RAD51B: variants seen among roughly 807,000 people sequenced by gnomAD.
The protein encoded by RAD51B is DNA repair protein RAD51 homolog 2.
In RAD51B, 38 loss-of-function variants were observed where a neutral mutation model predicts 42.2. That is an observed-to-expected ratio of 0.90 (90% CI 0.70 to 1.18). The LOEUF (loss-of-function observed/expected upper bound fraction) is 1.18. Among genes scored for constraint, RAD51B ranks in the 50% most tolerant of loss-of-function variants. The pLI is 0.00. For synonymous variants in RAD51B, 154 were observed against 145.2 expected (o/e 1.06, Z -0.43); for missense variants, 373 against 400.7 (o/e 0.93, Z 0.59).
intron 7 of RAD51B, among the ~76,000 whole-genome samples, chr14:67,966,635 T>C (rs898269992): frequency 6.6e-6 from 1 of 152,182 alleles, no homozygotes; most frequent in Non-Finnish European, 1.5e-5. Context: ...TGCATTGACT[T>C]AGAGATACAT....
chr14:68,240,111 G>T (rs908202623), intron 7 of RAD51B, among the ~76,000 whole-genome samples: 1 of 152,208 alleles, frequency 6.6e-6, no homozygotes, highest in Non-Finnish European at 1.5e-5. Flanking sequence ...TTTATAGGGT[G>T]CCCCTATTAC....
chr14:68,256,322 T>G (rs1358513754), intron 7 of RAD51B, among the ~76,000 whole-genome samples: 1 of 152,176 alleles, frequency 6.6e-6, no homozygotes, highest in Non-Finnish European at 1.5e-5. Flanking sequence ...TAAGAAAGGA[T>G]TAAAGGATCT....
At chr14:68,366,701 G>A (rs1313205408) in intron 8 of RAD51B, among the ~76,000 whole-genome samples, 2 of 152,190 alleles carry the variant, frequency 1.3e-5, no homozygotes, top group African/African-American at 4.8e-5. Context: ...GTGGCTTTGG[G>A]AACTGGTAAA....
At chr14:68,310,738 G>A (rs942126500) in intron 8 of RAD51B, among the ~76,000 whole-genome samples, 2 of 152,050 alleles carry the variant, frequency 1.3e-5, no homozygotes, top group African/African-American at 4.8e-5. Context: ...CCGGCTACTC[G>A]GGAGGCTGAG....
At chr14:68,277,093 G>C (rs529941839) in intron 7 of RAD51B, among the ~76,000 whole-genome samples, 6 of 152,234 alleles carry the variant, frequency 3.9e-5, no homozygotes, top group African/African-American at 1.2e-4. Context: ...AACCTCCTTA[G>C]TCCCAGGTAT....
At chr14:68,461,540 A>T (rs1387291790) in intron 9 of RAD51B, among the ~76,000 whole-genome samples, 1 of 152,066 alleles carries the variant, frequency 6.6e-6, no homozygotes, top group Non-Finnish European at 1.5e-5. Context: ...ACCTTTGAGG[A>T]TTATTGTGAA....
Position 68,456,912 on chromosome 14 carries a change from T to C in RAD51B, c.958-11260T>C, listed in dbSNP as rs1324037494. ...TTTTTTTTTTTTTTTTTTTTTTTTT[T>C]TTTTTTTTTGCTTTTTTTGAGACAG... On this transcript the variant is annotated intron_variant, in intron 9 of 10. Coordinates refer to ENST00000471583, the MANE Select transcript of RAD51B (RefSeq NM_133510.4). 3.2e-4 allele frequency among the ~76,000 whole-genome samples: 30 copies of C among 93,434 alleles called. 2 individuals carry two copies. Among genetic ancestry groups the C allele is most frequent in the African/African-American group, 1.8e-3 (29 of 16,414 alleles). The allele number at this position is 93,434 out of a possible 152,430, so 61.3% of individuals were successfully genotyped here.
At chr14:68,292,050 G>T (rs1345119449) in intron 8 of RAD51B, 70 bp downstream of exon 8, 2 of 1,377,186 alleles carry the variant, frequency 1.5e-6, no homozygotes, top group Non-Finnish European at 1.0e-6. Flanking sequence ...TCCACCTCCT[G>T]TTGAGAGCTG....
chr14:68,436,494 T>A (rs185728403), intron 9 of RAD51B, among the ~76,000 whole-genome samples: 1 of 152,190 alleles, frequency 6.6e-6, no homozygotes, highest in Non-Finnish European at 1.5e-5. Context: ...GATTGCTTTG[T>A]CTATTCAGGC....
chr14:67,827,676 G>GTGTGTCCA (rs1192969252), intron 3 of RAD51B, among the ~76,000 whole-genome samples: 5 of 151,928 alleles, frequency 3.3e-5, no homozygotes, highest in African/African-American at 9.7e-5. Context: ...GTTCCCTTCC[G>GTGTGTCCA]TGTGTCCATG....
chr14:68,412,032 A>C (rs2140084551), intron 9 of RAD51B, among the ~76,000 whole-genome samples: 2 of 152,332 alleles, frequency 1.3e-5, no homozygotes, highest in African/African-American at 4.8e-5. Flanking sequence ...AAAGACCTCC[A>C]AATGGTTGGT....
intron 7 of RAD51B, among the ~76,000 whole-genome samples, chr14:68,162,187 C>T (rs2078653637): frequency 6.6e-6 from 1 of 152,138 alleles, no homozygotes; most frequent in Non-Finnish European, 1.5e-5. Flanking sequence ...TCTCTTAATT[C>T]AGGGAAACTT....
chr14:68,327,836 C>T (rs888723652), intron 8 of RAD51B, among the ~76,000 whole-genome samples: 3 of 152,006 alleles, frequency 2.0e-5, no homozygotes, highest in African/African-American at 7.3e-5. Context: ...AATCACTGTG[C>T]CTTAGTAAAC....
At chr14:67,935,431 T>C (rs1346459519) in intron 7 of RAD51B, among the ~76,000 whole-genome samples, 2 of 152,188 alleles carry the variant, frequency 1.3e-5, no homozygotes, top group African/African-American at 4.8e-5. Context: ...ATGGCTCGAT[T>C]ATAGCTCACT....
intron 8 of RAD51B, among the ~76,000 whole-genome samples, chr14:68,327,795 A>G (rs28502384): frequency 0.13 from 19,879 of 152,128 alleles, 1,796 homozygotes; most frequent in African/African-American, 0.26. Flanking sequence ...CTGTGACTAT[A>G]AAAGGAAAAA....
At chr14:68,066,842 A>G (rs1162557553) in intron 7 of RAD51B, among the ~76,000 whole-genome samples, 2 of 152,218 alleles carry the variant, frequency 1.3e-5, no homozygotes, top group Admixed American at 6.5e-5. Flanking sequence ...TAATTAAAGG[A>G]AAAGAATTTA....
rs373634816 is a variant in RAD51B, at chr14:68,137,840, T to C, written c.757-154044T>C. Among the ~76,000 whole-genome samples the C allele has an allele frequency of 5.9e-5, 9 of 152,352 alleles. 1 individual carries two copies. The highest frequency in any genetic ancestry group is 2.2e-4 in the African/African-American group (9 of 41,582). ...TCGTTGCCCTGACACTGCCTGTTGC[T>C]GCTCCTCTGAGAAGGAATGTGTATT... On this transcript the variant is annotated intron_variant, in intron 7 of 10. Transcript: ENST00000471583.
intron 7 of RAD51B, among the ~76,000 whole-genome samples, chr14:68,117,104 C>T (rs1422751894): frequency 1.3e-5 from 2 of 152,168 alleles, no homozygotes; most frequent in African/African-American, 2.4e-5. Context: ...GTGACTTGCG[C>T]CTATATCATA....
chr14:68,359,149 G>A (rs890041052), intron 8 of RAD51B, among the ~76,000 whole-genome samples: 1 of 151,902 alleles, frequency 6.6e-6, no homozygotes. Context: ...ACGACCTTAC[G>A]AAAAACCACG....
Sources: allele counts gnomAD v4.1 joint callset (sites outside exome capture counted in the v4.1 genomes callset), GRCh38; gene constraint gnomAD v4.1.1; transcripts MANE v1.5; gene names NCBI Gene and HGNC (gene_info 2026-07-23, HGNC 2026-07-21).